The following SERINC5 variants were observed in gnomAD, a reference collection of about 807,000 sequenced individuals.
SERINC5 encodes chromosome 5 open reading frame 12.
Under a neutral mutation model 63.1 loss-of-function variants are expected in SERINC5, and 41 were observed. The observed-to-expected ratio is 0.65, with a 90% CI of 0.51 to 0.84. SERINC5 has a LOEUF of 0.84. SERINC5 is among the 40% of genes least tolerant of loss of function. SERINC5 has a pLI of 0.00. For synonymous variants in SERINC5, 222 were observed against 215.2 expected (o/e 1.03, Z -0.28); for missense variants, 523 against 573.0 (o/e 0.91, Z 0.89).
intron 2 of SERINC5, among the ~76,000 whole-genome samples, chr5:80,186,125 T>TA (rs1748781572): frequency 9.9e-6 from 1 of 101,358 alleles, no homozygotes. Flanking sequence ...TTTCTTGTTT[T>TA]GAAAAAAAAA....
At position 80,141,285 on chromosome 5, in the gene SERINC5, G is replaced by C. The variant is rs188022084; in HGVS notation, c.*2378C>G. 4.1e-6 allele frequency: 4 copies of C among 985,432 alleles called. No homozygotes were observed. The highest frequency in any genetic ancestry group is 3.5e-5 in the African/African-American group (2 of 57,360). 61.0% of individuals were successfully genotyped at this position (985,432 alleles called of 1,614,324 possible). A position where few individuals can be genotyped will look rare whatever the true frequency, so the allele number is the denominator to read the frequency against. On this transcript the variant is annotated 3_prime_UTR_variant, in exon 12 of 12. Coordinates refer to ENST00000507668, the MANE Select transcript of SERINC5 (RefSeq NM_001174072.3). ...ACGGGATGTCACAAACCAGACTCAC[G>C]CATCTGGAAAACGTTGTGTGGCTGG...
At chr5:80,217,151 A>C (rs1192793247) in intron 1 of SERINC5, among the ~76,000 whole-genome samples, 1 of 151,614 alleles carries the variant, frequency 6.6e-6, no homozygotes, top group Non-Finnish European at 1.5e-5. Context: ...AATTAAAATA[A>C]GTTTATTTAA....
At chr5:80,179,264 A>C (rs1748264832) in intron 2 of SERINC5, among the ~76,000 whole-genome samples, 4 of 152,140 alleles carry the variant, frequency 2.6e-5, no homozygotes, top group South Asian at 4.1e-4. Context: ...GTGACACTGC[A>C]CTCTAGCCTG....
intron 1 of SERINC5, among the ~76,000 whole-genome samples, chr5:80,207,332 A>G (rs551518754): frequency 6.6e-6 from 1 of 152,342 alleles, no homozygotes; most frequent in South Asian, 2.1e-4. Flanking sequence ...AAATGTGATC[A>G]ACAAAATACT....
At position 80,177,938 on chromosome 5, in the gene SERINC5, G is replaced by A. The variant is rs775376219; in HGVS notation, c.322C>T (p.Leu108=). Residue 108 remains leucine (L), a synonymous_variant, in exon 3 of 12, where the codon CTG becomes TTG. Transcript: ENST00000507668. ...TTGCTGTTGTTGATTTTCAAGGTCA[G>A]TAGACAGAAGATAAAGAAGAAACAA... ...MACFFFIFCL[L]TLKINNSKSC... is the part of the protein sequence containing the mutation. The A allele has an allele frequency of 9.9e-6, 16 of 1,611,932 alleles. No individual in the cohort carries two copies. The East Asian group carries it at 3.3e-4, about 34-fold the overall frequency.
chr5:80,242,771 A>G (rs540500430), intron 1 of SERINC5, among the ~76,000 whole-genome samples: 1 of 152,230 alleles, frequency 6.6e-6, no homozygotes, highest in South Asian at 2.1e-4. Flanking sequence ...TAACATAAAA[A>G]AAGTAACCGG....
chr5:80,206,126 AC>A (rs1750151588), intron 1 of SERINC5, among the ~76,000 whole-genome samples: 1 of 152,176 alleles, frequency 6.6e-6, no homozygotes, highest in Non-Finnish European at 1.5e-5. Context: ...ACAAGAAATT[AC>A]CATAAACTGC....
At chr5:80,247,427 AG>A (rs1326528009) in intron 1 of SERINC5, among the ~76,000 whole-genome samples, 1 of 152,190 alleles carries the variant, frequency 6.6e-6, no homozygotes, top group Non-Finnish European at 1.5e-5. Flanking sequence ...ATTAGCACAG[AG>A]AGATGAGTCA....
intron 11 of SERINC5, among the ~76,000 whole-genome samples, chr5:80,131,947 C>T (rs184083037): frequency 1.3e-3 from 192 of 152,150 alleles, no homozygotes; most frequent in African/African-American, 4.5e-3. Flanking sequence ...TTCCTTTCAC[C>T]GCTTGAAATG....
intron 1 of SERINC5, among the ~76,000 whole-genome samples, chr5:80,250,538 C>T (rs1171668897): frequency 1.3e-5 from 2 of 152,190 alleles, no homozygotes; most frequent in South Asian, 2.1e-4. Context: ...GACAGGGTTT[C>T]GCCATGTTGG....
chr5:80,172,040 T>TA (rs1747702939), intron 5 of SERINC5, among the ~76,000 whole-genome samples: 1 of 152,060 alleles, frequency 6.6e-6, no homozygotes. Flanking sequence ...ATATGTCAAT[T>TA]AAAAAATAAA....
At chr5:80,254,597 A>G (rs531063359) in intron 1 of SERINC5, among the ~76,000 whole-genome samples, 1 of 152,154 alleles carries the variant, frequency 6.6e-6, no homozygotes, top group Non-Finnish European at 1.5e-5. Flanking sequence ...AGTATTTCAA[A>G]ACGGGAATAA....
intron 2 of SERINC5, among the ~76,000 whole-genome samples, chr5:80,196,578 C>T (rs1040877633): frequency 2.6e-5 from 4 of 152,106 alleles, no homozygotes; most frequent in South Asian, 2.1e-4. Flanking sequence ...AATCAGTACA[C>T]GAATGTTCAC....
Position 80,139,663 on chromosome 5 carries a change from C to T in SERINC5, c.*4000G>A. The T allele has an allele frequency of 1.0e-6, 1 of 984,804 alleles. No homozygotes were observed. 61.0% of individuals were successfully genotyped at this position (984,804 alleles called of 1,614,324 possible). ...TCTCCAGTACTGTGAAGTCAAAGGC[C>T]CAACATTACAGAGCGCACCTCTGCC... is the stretch of plus-strand genomic sequence containing the variant. On this transcript the variant is annotated 3_prime_UTR_variant, in exon 12 of 12. Coordinates refer to ENST00000507668, the MANE Select transcript of SERINC5 (RefSeq NM_001174072.3).
At chr5:80,251,564 T>C (rs1403367273) in intron 1 of SERINC5, among the ~76,000 whole-genome samples, 1 of 152,070 alleles carries the variant, frequency 6.6e-6, no homozygotes, top group Admixed American at 6.6e-5. Flanking sequence ...ACCCCATCTC[T>C]ACTGAAAATG....
chr5:80,231,632 A>G (rs1751441729), intron 1 of SERINC5, among the ~76,000 whole-genome samples: 1 of 152,180 alleles, frequency 6.6e-6, no homozygotes, highest in Non-Finnish European at 1.5e-5. Flanking sequence ...TTAAAAAAAA[A>G]AAAAATCAAT....
rs1745407141 is a variant in SERINC5 at position 80,140,047 on chromosome 5, A to G, written c.*3616T>C. Reference sequence around the variant, plus strand: ...ACATCATCTTAAAAAGGCAGAGGGTAGGCTGCGTGCAGTGGTTTACGCCTA... The same window carrying G: ...ACATCATCTTAAAAAGGCAGAGGGTGGGCTGCGTGCAGTGGTTTACGCCTA... On this transcript the variant is annotated 3_prime_UTR_variant, in exon 12 of 12. Transcript: ENST00000507668. 1.0e-6 allele frequency: 1 copy of G among 985,282 alleles called. No individual in the cohort carries two copies. The highest frequency in any genetic ancestry group is 1.2e-6 in the Non-Finnish European group (1 of 829,818). The allele number at this position is 985,282 out of a possible 1,614,324, so 61.0% of individuals were successfully genotyped here. A position where few individuals can be genotyped will look rare whatever the true frequency, so the allele number is the denominator to read the frequency against.
At chr5:80,224,578 G>A (rs973346033) in intron 1 of SERINC5, among the ~76,000 whole-genome samples, 1 of 152,140 alleles carries the variant, frequency 6.6e-6, no homozygotes, top group Non-Finnish European at 1.5e-5. Flanking sequence ...AAAATAGGCA[G>A]CAGAAACAAT....
At chr5:80,111,685 TC>T (rs74704469) in exon 13 of SERINC5, 9,807 of 152,032 alleles carry the variant, frequency 0.065, 372 homozygotes, top group East Asian at 0.18. Flanking sequence ...CCAAATGGAG[TC>T]CGTTCAGGTT....
Sources: allele counts gnomAD v4.1 joint callset (sites outside exome capture counted in the v4.1 genomes callset), GRCh38; gene constraint gnomAD v4.1.1; transcripts MANE v1.5; gene names NCBI Gene and HGNC (gene_info 2026-07-23, HGNC 2026-07-21).